The following LSP1 variants were observed in gnomAD, a reference collection of about 807,000 sequenced individuals.
LSP1 encodes lymphocyte specific protein 1, also known as lymphocyte-specific protein 1.
In LSP1, 32 loss-of-function variants were observed where a neutral mutation model predicts 49.3. The ratio of observed to expected loss-of-function variants is 0.65; its 90% CI spans 0.49 to 0.87. The LOEUF is 0.87. Among genes scored for constraint, LSP1 ranks in the 40% least tolerant of loss-of-function variants. The probability of loss-of-function intolerance (pLI) is 0.00; values close to 1 mark genes in which losing one functional copy is unlikely to be tolerated. For synonymous variants in LSP1, 179 were observed against 178.8 expected (o/e 1.00, Z -0.01); for missense variants, 428 against 442.6 (o/e 0.97, Z 0.30).
At chr11:1,877,943 CGT>C (rs1848380473) in intron 1 of LSP1, among the ~76,000 whole-genome samples, 1 of 152,116 alleles carries the variant, frequency 6.6e-6, no homozygotes, top group Non-Finnish European at 1.5e-5. Context: ...CCTGAGGAAA[CGT>C]GTGCACACGA....
intron 1 of LSP1, among the ~76,000 whole-genome samples, chr11:1,859,858 T>C (rs991664588): frequency 3.3e-5 from 5 of 152,108 alleles, no homozygotes; most frequent in African/African-American, 9.7e-5. Flanking sequence ...CCTCTTTAAA[T>C]CACAGACATT....
intron 1 of LSP1, chr11:1,870,248 C>A (rs984820282): frequency 7.7e-7 from 1 of 1,300,252 alleles, no homozygotes; most frequent in Non-Finnish European, 1.0e-6. Flanking sequence ...TCCTTCATAC[C>A]CCATTTTGCA....
At chr11:1,888,263 C>A (rs1333730540) in intron 10 of LSP1, among the ~76,000 whole-genome samples, 1 of 152,192 alleles carries the variant, frequency 6.6e-6, no homozygotes, top group Non-Finnish European at 1.5e-5. Flanking sequence ...TGGCCACCCC[C>A]ACCAGAGCCT....
chr11:1,888,947 G>C, intron 10 of LSP1: 1 of 506,856 alleles, frequency 2.0e-6, no homozygotes, highest in Non-Finnish European at 3.5e-6. Context: ...CGTCCTCTCT[G>C]CCCCGTCCAC....
In LSP1 at chr11:1,866,961, G is replaced by A. The variant is rs1304729732; in HGVS notation, c.54-13126G>A. On this transcript the variant is annotated intron_variant, in intron 1 of 10. Coordinates refer to ENST00000311604, the MANE Select transcript of LSP1 (RefSeq NM_002339.3). ...ACTGAAACCGTGTGGGCCCAGGCTCGGGGCCAGTCCCTGTGGACCTGGGGA... is the reference window on the plus strand; with the variant it reads ...ACTGAAACCGTGTGGGCCCAGGCTCAGGGCCAGTCCCTGTGGACCTGGGGA... 3.4e-5 allele frequency: 49 copies of A among 1,443,268 alleles called. No individual in the cohort carries two copies. In the East Asian group the frequency reaches 8.0e-4, roughly 24 times the overall value. 89.4% of individuals were successfully genotyped at this position (1,443,268 alleles called of 1,614,324 possible).
rs913955634 is a variant in LSP1 at position 1,889,724 on chromosome 11, C to A, written c.*14-2049C>A. On this transcript the variant is annotated intron_variant, in intron 10 of 10. Transcript: ENST00000311604. Reference sequence around the variant, plus strand: ...CCTCCAGGTGCTCTCTGCCAGGGCCCATGGGGACCAGGCTGTGCGGTGAGG... The same window carrying A: ...CCTCCAGGTGCTCTCTGCCAGGGCCAATGGGGACCAGGCTGTGCGGTGAGG... 9.2e-6 allele frequency: 6 copies of A among 653,538 alleles called. No individual in the cohort carries two copies. The African/African-American group carries it at 1.1e-4, about 12-fold the overall frequency. 40.5% of individuals were successfully genotyped at this position (653,538 alleles called of 1,614,324 possible).
At chr11:1,857,260 C>T (rs531632052) in intron 1 of LSP1, among the ~76,000 whole-genome samples, 1 of 152,312 alleles carries the variant, frequency 6.6e-6, no homozygotes, top group South Asian at 2.1e-4. Flanking sequence ...CTGGTTCCCT[C>T]GTGTCTCCTA....
rs1198830342 is a variant in LSP1, at chr11:1,883,057, G to A, written c.357-362G>A. ...GGTGGCCCCAGCAGCCCGGCCTCGC[G>A]GGGACCCCGTCAGACCAACCGGGTG... is the stretch of plus-strand genomic sequence containing the variant. On this transcript the variant is annotated intron_variant, in intron 3 of 10. Coordinates refer to ENST00000311604, the MANE Select transcript of LSP1 (RefSeq NM_002339.3). Among the ~76,000 whole-genome samples the A allele has an allele frequency of 7.9e-5, 12 of 152,280 alleles. No individual in the cohort carries two copies. The East Asian group carries it at 1.7e-3, about 22-fold the overall frequency.
chr11:1,877,683 G>A (rs1285190487), intron 1 of LSP1, among the ~76,000 whole-genome samples: 1 of 152,226 alleles, frequency 6.6e-6, no homozygotes, highest in South Asian at 2.1e-4. Flanking sequence ...GCACACGCAC[G>A]TGGATGTCAA....
chr11:1,890,385 G>A (rs141217271), intron 10 of LSP1: 4 of 716,834 alleles, frequency 5.6e-6, no homozygotes, highest in Non-Finnish European at 1.0e-5. Flanking sequence ...ACTCACGGGG[G>A]ACAGGGAGGT....
intron 3 of LSP1, among the ~76,000 whole-genome samples, chr11:1,882,941 A>G (rs1848605721): frequency 6.6e-6 from 1 of 152,062 alleles, no homozygotes; most frequent in South Asian, 2.1e-4. Context: ...CTCCTCAGTG[A>G]CCTGGCCCCT....
rs374678193 is a variant in LSP1, at chr11:1,889,025, C to T, written c.*13+1449C>T. On this transcript the variant is annotated intron_variant, in intron 10 of 10. Transcript: ENST00000311604. ...TGTGCCCTTCCCAGGCTGCCCTGCA[C>T]CCCATGCCCCTTGGGCCCTGGTGCA... 5.4e-5 allele frequency: 31 copies of T among 574,078 alleles called. No homozygotes were observed. In the African/African-American group the frequency reaches 5.8e-4, roughly 11 times the overall value. 35.6% of individuals were successfully genotyped at this position (574,078 alleles called of 1,614,324 possible).
intron 1 of LSP1, chr11:1,869,073 G>A (rs902495121): frequency 2.5e-5 from 23 of 929,518 alleles, no homozygotes; most frequent in Non-Finnish European, 2.7e-5. Context: ...GAAGCCCTTG[G>A]GTGACCCCTG....
At chr11:1,857,397 C>A (rs1847516449) in intron 1 of LSP1, among the ~76,000 whole-genome samples, 1 of 152,192 alleles carries the variant, frequency 6.6e-6, no homozygotes. Flanking sequence ...TACGGGCCAG[C>A]CTGTCTCCAC....
chr11:1,870,155 A>C (rs1847938745), intron 1 of LSP1: 4 of 662,934 alleles, frequency 6.0e-6, no homozygotes, highest in South Asian at 4.4e-5. Flanking sequence ...CCTCTGGTGC[A>C]GAGGACCAAG....
intron 1 of LSP1, among the ~76,000 whole-genome samples, chr11:1,872,290 AC>A (rs1848062973): frequency 8.4e-6 from 1 of 118,444 alleles, no homozygotes. Context: ...TGGCGTGGGC[AC>A]CTTTGGGACG....
rs1490261047 is a variant in LSP1 at position 1,883,444 on chromosome 11, G to A, written c.382G>A (p.Glu128Lys). The A allele has an allele frequency of 1.9e-6, 3 of 1,613,958 alleles. No individual in the cohort carries two copies. Among genetic ancestry groups the A allele is most frequent in the Admixed American group, 1.7e-5 (1 of 60,004 alleles). Residue 128 changes from glutamate to lysine, a missense_variant, in exon 4 of 11, where the codon GAG becomes AAG. Transcript: ENST00000311604. Reference protein sequence around the residue: ...DRPGLHAYEKEDSDEVHLEEL... With the variant: ...DRPGLHAYEKKDSDEVHLEEL... ...GCCCGGCCTGCATGCCTACGAAAAGGAGGACAGTGATGAAGTCCACCTGGA... is the reference window on the plus strand; with the variant it reads ...GCCCGGCCTGCATGCCTACGAAAAGAAGGACAGTGATGAAGTCCACCTGGA...
chr11:1,879,844 G>A (rs755273790), intron 1 of LSP1, among the ~76,000 whole-genome samples: 1 of 152,192 alleles, frequency 6.6e-6, no homozygotes, highest in Non-Finnish European at 1.5e-5. Flanking sequence ...GGGCACAGGG[G>A]TGCCCAGATC....
intron 1 of LSP1, among the ~76,000 whole-genome samples, chr11:1,854,448 G>A (rs989421577): frequency 1.3e-5 from 2 of 152,208 alleles, no homozygotes; most frequent in Non-Finnish European, 2.9e-5. Context: ...TGCTGTTGGT[G>A]GCTGCAGTCA....
Sources: allele counts gnomAD v4.1 joint callset (sites outside exome capture counted in the v4.1 genomes callset), GRCh38; gene constraint gnomAD v4.1.1; transcripts MANE v1.5; gene names NCBI Gene and HGNC (gene_info 2026-07-23, HGNC 2026-07-21).